ADAMTS3: variants seen among roughly 807,000 people sequenced by gnomAD.
ADAMTS3 encodes ADAM metallopeptidase with thrombospondin type 1 motif 3.
Under a neutral mutation model 129.0 loss-of-function variants are expected in ADAMTS3, and 73 were observed. The ratio of observed to expected loss-of-function variants is 0.57; its 90% CI spans 0.47 to 0.69. The LOEUF (loss-of-function observed/expected upper bound fraction) is 0.69. Among genes scored for constraint, ADAMTS3 ranks in the 30% least tolerant of loss-of-function variants. The probability of loss-of-function intolerance (pLI) is 0.00; values close to 1 mark genes in which losing one functional copy is unlikely to be tolerated. For missense variants in ADAMTS3, 1,457 were observed against 1,514.5 expected (o/e 0.96, Z 0.63); for synonymous variants, 477 against 510.8 (o/e 0.93, Z 0.89).
intron 1 of ADAMTS3, among the ~76,000 whole-genome samples, chr4:72,567,842 C>T (rs530429442): frequency 2.6e-5 from 4 of 152,322 alleles, no homozygotes; most frequent in Non-Finnish European, 4.4e-5. Context: ...GGAGAAGCTA[C>T]AAAAACTAAC....
At chr4:72,451,507 G>A (rs1212833351) in intron 3 of ADAMTS3, among the ~76,000 whole-genome samples, 4 of 151,628 alleles carry the variant, frequency 2.6e-5, no homozygotes, top group Admixed American at 2.6e-4. Context: ...GCTAGCCCTG[G>A]CCCAGCGCCA....
Position 72,568,969 on chromosome 4 carries a change from T to C in ADAMTS3, c.-207A>G. On this transcript the variant is annotated 5_prime_UTR_variant, in exon 1 of 22. Transcript: ENST00000286657. ...CCTCTGCTCTGCAGTTTTTTCCACTTCACCTTCTCACCCCGTCCTCCCAAC... is the reference window on the plus strand; with the variant it reads ...CCTCTGCTCTGCAGTTTTTTCCACTCCACCTTCTCACCCCGTCCTCCCAAC... The C allele has an allele frequency of 5.0e-6, 3 of 602,754 alleles. No homozygotes were observed. Among genetic ancestry groups the C allele is most frequent in the Non-Finnish European group, 8.9e-6 (3 of 336,890 alleles). The allele number at this position is 602,754 out of a possible 1,614,324, so 37.3% of individuals were successfully genotyped here.
chr4:72,325,291 T>C (rs1174082850), intron 5 of ADAMTS3, among the ~76,000 whole-genome samples: 1 of 151,810 alleles, frequency 6.6e-6, no homozygotes, highest in Non-Finnish European at 1.5e-5. Context: ...GGCTTTTTAG[T>C]CATGGGCTGA....
chr4:72,335,514 A>G (rs1374165003), intron 5 of ADAMTS3, among the ~76,000 whole-genome samples: 1 of 152,196 alleles, frequency 6.6e-6, no homozygotes, highest in African/African-American at 2.4e-5. Flanking sequence ...CACTTAAATT[A>G]TGATTGAGTT....
At chr4:72,566,743 G>T (rs1722028484) in intron 2 of ADAMTS3, among the ~76,000 whole-genome samples, 1 of 152,150 alleles carries the variant, frequency 6.6e-6, no homozygotes, top group African/African-American at 2.4e-5. Flanking sequence ...TGAGTGACCT[G>T]TTGCAAGTCA....
intron 3 of ADAMTS3, among the ~76,000 whole-genome samples, chr4:72,505,360 C>G (rs746578063): frequency 6.6e-6 from 1 of 152,116 alleles, no homozygotes; most frequent in Non-Finnish European, 1.5e-5. Context: ...CTATGCACTT[C>G]TGTTGGTAGA....
chr4:72,310,279 ACTG>A (rs1719197369), intron 14 of ADAMTS3, among the ~76,000 whole-genome samples: 1 of 152,096 alleles, frequency 6.6e-6, no homozygotes, highest in South Asian at 2.1e-4. Context: ...ACAATACACT[ACTG>A]CACTCAAAAG....
chr4:72,562,130 G>T (rs1721918251), intron 2 of ADAMTS3, among the ~76,000 whole-genome samples: 1 of 151,976 alleles, frequency 6.6e-6, no homozygotes, highest in Non-Finnish European at 1.5e-5. Context: ...ATATTTATTG[G>T]GTACTTGAGA....
intron 4 of ADAMTS3, among the ~76,000 whole-genome samples, chr4:72,392,768 T>G (rs958677127): frequency 6.6e-6 from 1 of 152,096 alleles, no homozygotes; most frequent in Non-Finnish European, 1.5e-5. Flanking sequence ...CTAAAACAAA[T>G]TTTTTTCACT....
intron 3 of ADAMTS3, among the ~76,000 whole-genome samples, chr4:72,470,876 TAA>T (rs146377877): frequency 0.034 from 5,112 of 152,210 alleles, 278 homozygotes; most frequent in African/African-American, 0.12. Flanking sequence ...TTAATTTTAT[TAA>T]GTCTTAAGGC....
intron 3 of ADAMTS3, among the ~76,000 whole-genome samples, chr4:72,471,728 T>C (rs529477787): frequency 6.6e-6 from 1 of 152,184 alleles, no homozygotes; most frequent in African/African-American, 2.4e-5. Flanking sequence ...ATAGCTACTT[T>C]TAGACAAACT....
At chr4:72,449,879 C>A (rs1003003596) in intron 3 of ADAMTS3, among the ~76,000 whole-genome samples, 3 of 151,648 alleles carry the variant, frequency 2.0e-5, no homozygotes, top group African/African-American at 7.3e-5. Context: ...CAGTTTCAAT[C>A]TAAATAGCAT....
At chr4:72,398,222 A>G (rs78327931) in intron 4 of ADAMTS3, among the ~76,000 whole-genome samples, 2 of 152,108 alleles carry the variant, frequency 1.3e-5, no homozygotes, top group Non-Finnish European at 2.9e-5. Context: ...GGTGCAAAAC[A>G]AAAAATGTTC....
chr4:72,298,949 T>C (rs140071784), intron 17 of ADAMTS3, among the ~76,000 whole-genome samples: 32 of 152,078 alleles, frequency 2.1e-4, no homozygotes, highest in African/African-American at 7.7e-4. Context: ...AGAAAATATA[T>C]ACATTATGGA....
rs1578552877 is a variant in ADAMTS3, at chr4:72,288,792, T to C, written c.3008A>G (p.Lys1003Arg). 6.2e-6 allele frequency: 10 copies of C among 1,613,944 alleles called. No homozygotes were observed. The East Asian group carries it at 2.2e-4, about 36-fold the overall frequency. ...CRAGDHCDGE[K>R]PESVRACQLP... ...TTGACAGGCTCTGACCGACTCAGGC[T>C]TTTCACCATCACAGTGGTCCCCAGC... The change falls in exon 21 of 22, where the codon AAG (lysine) becomes AGG (arginine). Residue 1003 changes from lysine to arginine, a missense_variant. Coordinates refer to ENST00000286657, the MANE Select transcript of ADAMTS3 (RefSeq NM_014243.3).
At chr4:72,413,068 A>T (rs920809458) in intron 4 of ADAMTS3, among the ~76,000 whole-genome samples, 2 of 152,012 alleles carry the variant, frequency 1.3e-5, no homozygotes, top group Non-Finnish European at 2.9e-5. Flanking sequence ...ATTTCTTGTA[A>T]CTTTATTACT....
In ADAMTS3 at chr4:72,338,173, G is replaced by A. The variant is rs564984048; in HGVS notation, c.861+1321C>T. ...TCCCTATTATTTTTCTCAATATGCCGATAAAGAGACAGAAGCAGGACAGAG... is the reference window on the plus strand; with the variant it reads ...TCCCTATTATTTTTCTCAATATGCCAATAAAGAGACAGAAGCAGGACAGAG... On this transcript the variant is annotated intron_variant, in intron 5 of 21. Coordinates refer to ENST00000286657, the MANE Select transcript of ADAMTS3 (RefSeq NM_014243.3). 1.4e-4 allele frequency among the ~76,000 whole-genome samples: 21 copies of A among 152,166 alleles called. 1 individual carries two copies. In the South Asian group the frequency reaches 1.7e-3, roughly 12 times the overall value.
chr4:72,558,742 A>G (rs576350142), intron 2 of ADAMTS3, among the ~76,000 whole-genome samples: 31 of 151,694 alleles, frequency 2.0e-4, no homozygotes, highest in Middle Eastern at 3.4e-3. Flanking sequence ...CTTTAACTGC[A>G]CACCGATTTC....
At chr4:72,485,956 T>C (rs1242872987) in intron 3 of ADAMTS3, among the ~76,000 whole-genome samples, 1 of 152,338 alleles carries the variant, frequency 6.6e-6, no homozygotes, top group East Asian at 1.9e-4. Flanking sequence ...CACTGGACAC[T>C]GAAACTGCTG....
Sources: allele counts gnomAD v4.1 joint callset (sites outside exome capture counted in the v4.1 genomes callset), GRCh38; gene constraint gnomAD v4.1.1; transcripts MANE v1.5; gene names NCBI Gene and HGNC (gene_info 2026-07-23, HGNC 2026-07-21).